The following CDH13 variants were observed in gnomAD, a reference collection of about 807,000 sequenced individuals.
CDH13 encodes cadherin 13, also known as cadherin-13.
CDH13 carries 24 observed loss-of-function variants against 63.8 expected under a neutral mutation model. The observed-to-expected ratio is 0.38, with a 90% CI of 0.27 to 0.53. CDH13 has a LOEUF of 0.53. Among genes scored for constraint, CDH13 ranks in the 20% least tolerant of loss-of-function variants. The probability of loss-of-function intolerance (pLI) is 0.85; values close to 1 mark genes in which losing one functional copy is unlikely to be tolerated. For missense variants in CDH13, 1,049 were observed against 903.1 expected (o/e 1.16, Z -2.07); for synonymous variants, 503 against 355.3 (o/e 1.42, Z -4.67).
intron 4 of CDH13, among the ~76,000 whole-genome samples, chr16:83,174,013 G>A (rs1193328729): frequency 6.6e-6 from 1 of 152,070 alleles, no homozygotes; most frequent in Non-Finnish European, 1.5e-5. Context: ...TCCTCCTCCA[G>A]TTATCACTCG....
chr16:82,666,366 A>G (rs571036295), intron 1 of CDH13, among the ~76,000 whole-genome samples: 14 of 152,356 alleles, frequency 9.2e-5, no homozygotes, highest in African/African-American at 3.4e-4. Flanking sequence ...AAGGCAAGGT[A>G]CCTGAATCAT....
rs1912763700 is a variant in CDH13 at position 83,748,162 on chromosome 16, G to A, written c.1593G>A (p.Gly531=). 3 of 1,613,882 alleles carry A rather than the reference G, an allele frequency of 1.9e-6. No homozygotes were observed. The highest frequency in any genetic ancestry group is 1.6e-4 in the Middle Eastern group (1 of 6,062). Residue 531 remains glycine, a synonymous_variant, in exon 11 of 14, where the codon GGG becomes GGA. Transcript: ENST00000567109. ...GGCTGAATATTAACCCCATCAATGG[G>A]ACTGTTGACACCACAGCTGTGCTGG... ...AGWLNINPIN[G]TVDTTAVLDR...
chr16:82,986,840 A>G (rs1253041081), intron 2 of CDH13, among the ~76,000 whole-genome samples: 2 of 152,194 alleles, frequency 1.3e-5, no homozygotes, highest in African/African-American at 2.4e-5. Context: ...CATACCTGGA[A>G]CTCCAAATTT....
chr16:83,611,597 G>A (rs12051323), intron 8 of CDH13, among the ~76,000 whole-genome samples: 27,894 of 151,392 alleles, frequency 0.18, 2,932 homozygotes, highest in African/African-American at 0.27. Context: ...CCCCTCCCTA[G>A]AAATGATACT....
chr16:82,681,304 A>G (rs1415367867), intron 1 of CDH13, among the ~76,000 whole-genome samples: 2 of 152,206 alleles, frequency 1.3e-5, no homozygotes, highest in African/African-American at 4.8e-5. Context: ...AGGCAATTCC[A>G]TGGACACAGA....
chr16:83,574,404 T>C (rs1315680015), intron 7 of CDH13, among the ~76,000 whole-genome samples: 2 of 152,142 alleles, frequency 1.3e-5, no homozygotes, highest in African/African-American at 2.4e-5. Flanking sequence ...CCCTCAGTGG[T>C]GGTGTTCTCT....
At chr16:83,445,537 G>C (rs993795551) in intron 6 of CDH13, among the ~76,000 whole-genome samples, 2 of 152,152 alleles carry the variant, frequency 1.3e-5, no homozygotes, top group African/African-American at 4.8e-5. Context: ...GCCTCCCACA[G>C]CTGCGTTAGT....
At chr16:83,015,736 G>A (rs935644524) in intron 2 of CDH13, among the ~76,000 whole-genome samples, 4 of 104,410 alleles carry the variant, frequency 3.8e-5, no homozygotes, top group East Asian at 3.3e-4. Context: ...GAAAAAGCAC[G>A]AGCAATAAAT....
intron 8 of CDH13, among the ~76,000 whole-genome samples, chr16:83,613,192 T>C (rs1030977876): frequency 2.6e-5 from 4 of 152,244 alleles, no homozygotes; most frequent in African/African-American, 4.8e-5. Context: ...GAAAGAAACG[T>C]GTCTCTTTTC....
intron 1 of CDH13, among the ~76,000 whole-genome samples, chr16:82,654,460 G>C (rs951626942): frequency 5.9e-5 from 9 of 152,180 alleles, no homozygotes; most frequent in African/African-American, 1.9e-4. Flanking sequence ...CAGTGCTGAA[G>C]GCTGCCAATT....
chr16:82,848,396 T>C (rs2039351336), intron 1 of CDH13, among the ~76,000 whole-genome samples: 1 of 152,228 alleles, frequency 6.6e-6, no homozygotes, highest in Admixed American at 6.5e-5. Context: ...AGCTTTCACC[T>C]TGACAACTCT....
chr16:82,944,146 G>A (rs574380067), intron 2 of CDH13, among the ~76,000 whole-genome samples: 1 of 152,148 alleles, frequency 6.6e-6, no homozygotes, highest in Admixed American at 6.5e-5. Context: ...AATCGTCTTA[G>A]GAGAACTGAG....
chr16:83,689,931 A>T (rs775066942), intron 10 of CDH13, among the ~76,000 whole-genome samples: 1 of 152,254 alleles, frequency 6.6e-6, no homozygotes, highest in African/African-American at 2.4e-5. Flanking sequence ...CACACCGGCA[A>T]TCCCAGCACT....
intron 7 of CDH13, among the ~76,000 whole-genome samples, chr16:83,593,416 C>G (rs1487580264): frequency 6.6e-6 from 1 of 152,142 alleles, no homozygotes; most frequent in Non-Finnish European, 1.5e-5. Flanking sequence ...CTGTTTCCAA[C>G]TAAGTGCTTT....
intron 6 of CDH13, among the ~76,000 whole-genome samples, chr16:83,350,240 C>T (rs2090924987): frequency 6.6e-6 from 1 of 152,172 alleles, no homozygotes; most frequent in Non-Finnish European, 1.5e-5. Context: ...TTAGCCACCC[C>T]AAATGGCAGC....
At chr16:82,934,813 T>A (rs2151300197) in intron 2 of CDH13, among the ~76,000 whole-genome samples, 1 of 152,326 alleles carries the variant, frequency 6.6e-6, no homozygotes, top group South Asian at 2.1e-4. Flanking sequence ...AAGTTCCTCA[T>A]CTCTGTCTGA....
chr16:83,276,918 G>C (rs1347672276), intron 5 of CDH13, among the ~76,000 whole-genome samples: 1 of 152,116 alleles, frequency 6.6e-6, no homozygotes, highest in African/African-American at 2.4e-5. Context: ...ATGTTGGCAG[G>C]CAGAGAGAGT....
At chr16:83,730,633 T>A (rs80032671) in intron 10 of CDH13, among the ~76,000 whole-genome samples, 29,877 of 152,166 alleles carry the variant, frequency 0.2, 3,003 homozygotes, top group Middle Eastern at 0.22. Context: ...TTTTGTTTGT[T>A]TGTTTTTGTT....
intron 2 of CDH13, among the ~76,000 whole-genome samples, chr16:82,904,303 T>C (rs1201216467): frequency 1.3e-5 from 2 of 152,216 alleles, no homozygotes; most frequent in Non-Finnish European, 2.9e-5. Context: ...ATCCTAGTAC[T>C]TCAGAAGGCT....
Sources: gnomAD v4.1 joint callset for allele counts (sites outside exome capture counted in the v4.1 genomes callset) on GRCh38, gnomAD v4.1.1 for gene constraint, MANE v1.5 for transcripts, NCBI Gene and HGNC (gene_info 2026-07-23, HGNC 2026-07-21) for gene names.